The following TNRC18 variants were observed in gnomAD, a reference collection of about 807,000 sequenced individuals.
The protein encoded by TNRC18 is trinucleotide repeat-containing gene 18 protein.
TNRC18 carries 69 observed loss-of-function variants against 226.7 expected under a neutral mutation model. The ratio of observed to expected loss-of-function variants is 0.30; its 90% CI spans 0.25 to 0.37. The LOEUF (loss-of-function observed/expected upper bound fraction) is 0.37. TNRC18 is among the 10% of genes least tolerant of loss of function. The pLI is 1.00. For synonymous variants in TNRC18, 2,449 were observed against 1,927.6 expected, an observed-to-expected ratio of 1.27 and a Z score of -7.09; for missense variants, 4,754 against 4,256.6, an observed-to-expected ratio of 1.12 and a Z score of -3.25.
chr7:5,352,230 G>A (rs370112003), intron 16 of TNRC18, 136 bp from the exon 17 acceptor site: 23 of 905,048 alleles, frequency 2.5e-5, no homozygotes, highest in South Asian at 1.5e-4. Flanking sequence ...GTAGGCGGCC[G>A]TACAAAGGCC....
chr7:5,387,604 T>A, intron 5 of TNRC18, 68 bp downstream of exon 5: 2 of 1,576,180 alleles, frequency 1.3e-6, no homozygotes, highest in African/African-American at 2.7e-5. Context: ...GGGCCCACAC[T>A]GTAATGTACG....
Position 5,388,722 on chromosome 7 carries a change from G to T in TNRC18, c.1102C>A (p.Arg368Ser). The T allele has an allele frequency of 7.9e-7, 1 of 1,263,674 alleles. No homozygotes were observed. The highest frequency in any genetic ancestry group is 2.2e-5 in the South Asian group (1 of 46,148). The allele number at this position is 1,263,674 out of a possible 1,614,324, so 78.3% of individuals were successfully genotyped here. A position where few individuals can be genotyped will look rare whatever the true frequency, so the allele number is the denominator to read the frequency against. Residue 368 changes from arginine to serine, a missense_variant, in exon 5 of 30, where the codon CGC (arginine) becomes AGC (serine). Transcript: ENST00000430969. ...GGCACGAAGGTGGGCGCCACCACGC[G>T]GTGCTCACGGCCCTGCTCGCGGAAG... is the stretch of plus-strand genomic sequence containing the variant. ...TVFREQGREH[R>S]VVAPTFVPSV...
intron 18 of TNRC18, 145 bp downstream of exon 18, chr7:5,345,417 C>T (rs924168124): frequency 2.0e-5 from 16 of 808,580 alleles, no homozygotes; most frequent in East Asian, 1.3e-4. Flanking sequence ...CTGATCAGCA[C>T]GGGGCTGGCC....
chr7:5,387,805 A>C lies in TNRC18; in HGVS notation c.2019T>G (p.Gly673=). ...AFGREGSGAQ[G]EAEVRHPPVG... Reference sequence around the variant, plus strand: ...CAGGCGGGTGTCGCACTTCTGCCTCACCCTGGGCACCAGAGCCCTCGCGCC... The same window carrying C: ...CAGGCGGGTGTCGCACTTCTGCCTCCCCCTGGGCACCAGAGCCCTCGCGCC... The change falls in exon 5 of 30, where the codon GGT becomes GGG. Residue 673 remains glycine, a synonymous_variant. Coordinates refer to ENST00000430969, the MANE Select transcript of TNRC18 (RefSeq NM_001080495.3). The C allele has an allele frequency of 6.2e-7, 1 of 1,606,852 alleles. No individual in the cohort carries two copies. The highest frequency in any genetic ancestry group is 8.5e-7 in the Non-Finnish European group (1 of 1,179,632).
chr7:5,380,556 C>T (rs894695842), intron 5 of TNRC18, among the ~76,000 whole-genome samples: 11 of 152,194 alleles, frequency 7.2e-5, no homozygotes, highest in Non-Finnish European at 1.5e-4. Flanking sequence ...GAGGGACAGC[C>T]GGGCAGCCCG....
intron 19 of TNRC18, among the ~76,000 whole-genome samples, chr7:5,328,570 A>G (rs1789182865): frequency 6.6e-6 from 1 of 150,406 alleles, no homozygotes. Context: ...GTGCAGTGGC[A>G]CAATCTCGGC....
intron 17 of TNRC18, 117 bp from the exon 18 acceptor site, chr7:5,345,927 AG>A: frequency 7.2e-7 from 1 of 1,390,684 alleles, no homozygotes; most frequent in Non-Finnish European, 9.5e-7. Flanking sequence ...AGTCCTGAGC[AG>A]GGGGCCGCTG....
At chr7:5,349,564 G>T (rs557107323) in intron 17 of TNRC18, among the ~76,000 whole-genome samples, 1 of 152,326 alleles carries the variant, frequency 6.6e-6, no homozygotes, top group East Asian at 1.9e-4. Flanking sequence ...GGAGGGAGGT[G>T]CACGGAGGAC....
chr7:5,372,792 G>A (rs955398937), intron 10 of TNRC18, among the ~76,000 whole-genome samples: 2 of 152,146 alleles, frequency 1.3e-5, no homozygotes, highest in Non-Finnish European at 2.9e-5. Context: ...GGAGGCCAGG[G>A]TGGGAGGACT....
intron 2 of TNRC18, among the ~76,000 whole-genome samples, chr7:5,399,204 C>G (rs1415618938): frequency 1.3e-5 from 2 of 152,102 alleles, no homozygotes; most frequent in East Asian, 3.9e-4. Flanking sequence ...CCTCAGGGTG[C>G]CAGGGGGCAC....
In TNRC18 at chr7:5,361,924, A is replaced by C. The variant is rs777912626; in HGVS notation, c.4505T>G (p.Val1502Gly). Residue 1502 changes from valine (V) to glycine (G), a missense_variant, in exon 13 of 30, where the codon GTG becomes GGG. Physicochemically the swap from Val to Gly is moderately radical, Grantham distance 109 (BLOSUM62 -3). Transcript: ENST00000430969. ...GGAGTCCCGGCGGCGCTGCAGCTTC[A>C]CCAGCTCACGCTGCTTCTCCTTGTA... ...RQYKEKQREL[V>G]KLQRRRDSED... 2.1e-5 allele frequency: 33 copies of C among 1,598,120 alleles called. 1 individual carries two copies. The African/African-American group carries it at 3.3e-4, about 16-fold the overall frequency.
At chr7:5,314,141 AT>A (rs545101418) in intron 26 of TNRC18, among the ~76,000 whole-genome samples, 6,688 of 146,098 alleles carry the variant, frequency 0.046, 489 homozygotes, top group African/African-American at 0.16. Context: ...TTGTATTATT[AT>A]TTTTTTTTTT....
chr7:5,333,197 A>C, intron 18 of TNRC18, 148 bp from the exon 19 acceptor site: 8 of 958,496 alleles, frequency 8.3e-6, no homozygotes, highest in Non-Finnish European at 1.3e-5. Flanking sequence ...ACTGAGGCCC[A>C]GAGGAGAAAG....
At chr7:5,318,392 G>GA (rs1362502212) in intron 24 of TNRC18, among the ~76,000 whole-genome samples, 1 of 152,010 alleles carries the variant, frequency 6.6e-6, no homozygotes, top group Non-Finnish European at 1.5e-5. Flanking sequence ...TAAAAGTAGA[G>GA]AAAATCTCTC....
chr7:5,332,494 C>CACCT, intron 19 of TNRC18, 128 bp downstream of exon 19: 1 of 1,044,328 alleles, frequency 9.6e-7, no homozygotes, highest in Non-Finnish European at 1.3e-6. Flanking sequence ...GGGCTCCGGG[C>CACCT]GGGCCTGGAG....
chr7:5,391,874 T>TG (rs1465702814), intron 3 of TNRC18, among the ~76,000 whole-genome samples: 16 of 149,354 alleles, frequency 1.1e-4, no homozygotes, highest in African/African-American at 3.4e-4. Flanking sequence ...TTTTTTTTTT[T>TG]AAAGGGCACA....
chr7:5,373,964 G>T, intron 10 of TNRC18, 91 bp downstream of exon 10: 1 of 1,072,580 alleles, frequency 9.3e-7, no homozygotes, highest in Non-Finnish European at 1.3e-6. Flanking sequence ...TGGAATGAAC[G>T]AACGATCGAA....
chr7:5,367,311 G>C (rs1485056904), intron 11 of TNRC18, among the ~76,000 whole-genome samples: 7 of 152,042 alleles, frequency 4.6e-5, no homozygotes, highest in African/African-American at 1.2e-4. Context: ...CTTGCAGTGA[G>C]CGGAGATCAC....
At position 5,324,445 on chromosome 7, in the gene TNRC18, G is replaced by C; in HGVS notation, c.6301-90C>G. 3 of 1,523,506 alleles carry C rather than the reference G, an allele frequency of 2.0e-6. No homozygotes were observed. Among genetic ancestry groups the C allele is most frequent in the Non-Finnish European group, 2.7e-6 (3 of 1,122,588 alleles). 94.4% of individuals were successfully genotyped at this position (1,523,506 alleles called of 1,614,324 possible). A position where few individuals can be genotyped will look rare whatever the true frequency, so the allele number is the denominator to read the frequency against. ...CCCTCTCTGGAAACCTGGAGCCACA[G>C]TCAGGCCGCAGGGGGAATCTGTCAT... On this transcript the variant is annotated intron_variant, in intron 20 of 29. Coordinates refer to ENST00000430969, the MANE Select transcript of TNRC18 (RefSeq NM_001080495.3). This position sits in a 1 kb window ranked among gnomAD's most constrained non-coding sequence, Gnocchi z 4.8.
Sources: allele counts gnomAD v4.1 joint callset (sites outside exome capture counted in the v4.1 genomes callset), GRCh38; gene constraint gnomAD v4.1.1; non-coding constraint Gnocchi (gnomAD v3.1); transcripts MANE v1.5; gene names NCBI Gene and HGNC (gene_info 2026-07-23, HGNC 2026-07-21).